The following MECOM variants were observed in gnomAD, a reference collection of about 807,000 sequenced individuals.
MECOM encodes MDS1 and EVI1 complex locus, also known as histone-lysine N-methyltransferase MECOM.
In MECOM, 13 loss-of-function variants were observed where a neutral mutation model predicts 116.3. The observed-to-expected ratio is 0.11, with a 90% CI of 0.07 to 0.18. The LOEUF is 0.18. Among genes scored for constraint, MECOM ranks in the 10% least tolerant of loss-of-function variants. The pLI is 1.00. For missense variants in MECOM, 1,299 were observed against 1,509.0 expected, an observed-to-expected ratio of 0.86 and a Z score of 2.31; for synonymous variants, 528 against 535.2, an observed-to-expected ratio of 0.99 and a Z score of 0.19.
chr3:169,204,796 C>T (rs573358206), intron 2 of MECOM, among the ~76,000 whole-genome samples: 23 of 152,222 alleles, frequency 1.5e-4, no homozygotes, highest in African/African-American at 5.3e-4. Context: ...AATGTTAATT[C>T]GCCTTATTTA....
At chr3:169,595,125 C>A (rs1222447650) in intron 1 of MECOM, among the ~76,000 whole-genome samples, 1 of 151,996 alleles carries the variant, frequency 6.6e-6, no homozygotes, top group Non-Finnish European at 1.5e-5. Flanking sequence ...TAAAGAAATG[C>A]TTAATGGTAT....
rs1728869214 is a variant in MECOM, at chr3:169,115,485, A to G, written c.2387T>C (p.Val796Ala). The G allele has an allele frequency of 4.3e-6, 7 of 1,613,776 alleles. No homozygotes were observed. The highest frequency in any genetic ancestry group is 1.3e-5 in the African/African-American group (1 of 74,808). Residue 796 changes from valine to alanine, a missense_variant, in exon 8 of 17, where the codon GTG becomes GCG. Physicochemically the swap from Val to Ala is moderately conservative, Grantham distance 64. This residue lies in a region of MECOM where 340 missense variants were observed against 312.6 expected (regional missense o/e 1.09). Coordinates refer to ENST00000651503, the MANE Select transcript of MECOM (RefSeq NM_004991.4). Reference protein sequence around the residue: ...TKLTEPRKNHVFGGKKGSNVE... With the variant: ...TKLTEPRKNHAFGGKKGSNVE... Reference sequence around the variant, plus strand: ...GTTGCTTCCTTTTTTTCCCCCAAACACGTGGTTTTTTCGAGGCTCAGTCAG... The same window carrying G: ...GTTGCTTCCTTTTTTTCCCCCAAACGCGTGGTTTTTTCGAGGCTCAGTCAG...
At chr3:169,552,156 T>C (rs2109310928) in intron 1 of MECOM, among the ~76,000 whole-genome samples, 1 of 103,124 alleles carries the variant, frequency 9.7e-6, no homozygotes, top group African/African-American at 3.0e-5. Flanking sequence ...CATGAAATTG[T>C]ATACTTTAAA....
chr3:169,597,090 T>C (rs1444798267), intron 1 of MECOM, among the ~76,000 whole-genome samples: 2 of 152,182 alleles, frequency 1.3e-5, no homozygotes, highest in African/African-American at 2.4e-5. Context: ...CATGGAAAAG[T>C]AACATCACCT....
At chr3:169,560,609 G>A (rs1422624993) in intron 1 of MECOM, among the ~76,000 whole-genome samples, 1 of 151,892 alleles carries the variant, frequency 6.6e-6, no homozygotes, top group Admixed American at 6.6e-5. Context: ...AAATTTAAAA[G>A]CAACTTGAAT....
At chr3:169,131,108 CTG>C (rs1734551278) in intron 4 of MECOM, among the ~76,000 whole-genome samples, 1 of 152,154 alleles carries the variant, frequency 6.6e-6, no homozygotes, top group Non-Finnish European at 1.5e-5. Flanking sequence ...ATCAAGCTCC[CTG>C]AAAGATCCGT....
At chr3:169,163,525 T>C (rs1427545289) in intron 2 of MECOM, among the ~76,000 whole-genome samples, 1 of 152,138 alleles carries the variant, frequency 6.6e-6, no homozygotes, top group Non-Finnish European at 1.5e-5. Context: ...GTATACATCA[T>C]TTCATGTAAC....
chr3:169,149,929 CTCTCTCTG>C (rs1740892585), intron 2 of MECOM, among the ~76,000 whole-genome samples: 1 of 123,758 alleles, frequency 8.1e-6, no homozygotes, highest in South Asian at 3.1e-4. Flanking sequence ...CTCTCTTTCT[CTCTCTCTG>C]TGTGTGTGTG....
intron 2 of MECOM, among the ~76,000 whole-genome samples, chr3:169,348,216 A>G (rs995975332): frequency 2.6e-5 from 4 of 152,138 alleles, no homozygotes; most frequent in Non-Finnish European, 5.9e-5. Context: ...ACACATGTGC[A>G]TAAGGACCAG....
chr3:169,236,972 C>T (rs1754140693), intron 2 of MECOM, among the ~76,000 whole-genome samples: 1 of 152,176 alleles, frequency 6.6e-6, no homozygotes, highest in Admixed American at 6.6e-5. Context: ...TCTTACTTGA[C>T]CTCTCAACTG....
chr3:169,418,581 G>C (rs921257875), intron 1 of MECOM, among the ~76,000 whole-genome samples: 1 of 152,142 alleles, frequency 6.6e-6, no homozygotes, highest in Non-Finnish European at 1.5e-5. Flanking sequence ...GGGATGCAAG[G>C]CTAGATCATC....
intron 2 of MECOM, among the ~76,000 whole-genome samples, chr3:169,239,431 C>T (rs1156941722): frequency 2.0e-5 from 3 of 151,526 alleles, no homozygotes; most frequent in African/African-American, 7.3e-5. Flanking sequence ...GACATACTAA[C>T]AATATAATAT....
intron 2 of MECOM, among the ~76,000 whole-genome samples, chr3:169,272,556 T>C (rs113337763): frequency 2.6e-5 from 4 of 152,290 alleles, no homozygotes; most frequent in African/African-American, 9.6e-5. Context: ...GAGGACAATA[T>C]ATGTAAAGAT....
At chr3:169,395,010 T>C (rs1446059310) in intron 1 of MECOM, among the ~76,000 whole-genome samples, 4 of 152,156 alleles carry the variant, frequency 2.6e-5, no homozygotes, top group Non-Finnish European at 5.9e-5. Flanking sequence ...TATAAATTCT[T>C]CCAAGAAACA....
chr3:169,578,190 G>A (rs1031072057), intron 1 of MECOM, among the ~76,000 whole-genome samples: 1 of 152,118 alleles, frequency 6.6e-6, no homozygotes, highest in Admixed American at 6.6e-5. Flanking sequence ...AAAGATGTGT[G>A]ATATGGACTT....
chr3:169,369,342 C>T (rs976525661), intron 2 of MECOM, among the ~76,000 whole-genome samples: 4 of 86,952 alleles, frequency 4.6e-5, no homozygotes, highest in African/African-American at 1.5e-4. Context: ...TGATTGCAGC[C>T]TTTTTTTTTT....
intron 2 of MECOM, among the ~76,000 whole-genome samples, chr3:169,211,020 T>A (rs1343023006): frequency 6.6e-6 from 1 of 152,164 alleles, no homozygotes; most frequent in Non-Finnish European, 1.5e-5. Context: ...TTTCAACTAT[T>A]AATGGATATT....
At chr3:169,326,330 TG>T (rs1447023905) in intron 2 of MECOM, among the ~76,000 whole-genome samples, 1 of 152,140 alleles carries the variant, frequency 6.6e-6, no homozygotes, top group Non-Finnish European at 1.5e-5. Flanking sequence ...GTATGTTATT[TG>T]GAAAAGTCTA....
intron 1 of MECOM, among the ~76,000 whole-genome samples, chr3:169,657,921 G>A (rs1281003023): frequency 6.6e-6 from 1 of 152,150 alleles, no homozygotes; most frequent in African/African-American, 2.4e-5. Flanking sequence ...ACCAATCTGT[G>A]TGCAAACTAA....
Sources: allele counts gnomAD v4.1 joint callset (sites outside exome capture counted in the v4.1 genomes callset), GRCh38; gene constraint gnomAD v4.1.1; regional missense constraint gnomAD v4.1.1; transcripts MANE v1.5; gene names NCBI Gene and HGNC (gene_info 2026-07-23, HGNC 2026-07-21).